The following INF2 variants were observed in gnomAD, a reference collection of about 807,000 sequenced individuals.
INF2 encodes the protein inverted formin 2, also known as inverted formin-2.
A neutral mutation model predicts 123.5 loss-of-function variants in INF2; 43 were observed. That is an observed-to-expected ratio of 0.35 (90% CI 0.27 to 0.45). INF2 has a LOEUF of 0.45. Ranked by LOEUF, INF2 falls within the 20% of genes least tolerant of loss-of-function variation. The pLI is 1.00. For synonymous variants in INF2, 851 were observed against 745.0 expected (o/e 1.14, Z -2.32); for missense variants, 1,453 against 1,682.7 (o/e 0.86, Z 2.39).
At chr14:104,718,746 T>C in intron 22 of INF2, 49 bp from the exon 23 acceptor site, 2 of 1,607,224 alleles carry the variant, frequency 1.2e-6, no homozygotes, top group South Asian at 2.2e-5. Context: ...CCTGATATTG[T>C]ACCCAGCAAA....
chr14:104,717,228 C>CCG (rs1357180376), intron 22 of INF2, among the ~76,000 whole-genome samples: 1 of 146,336 alleles, frequency 6.8e-6, no homozygotes, highest in Non-Finnish European at 1.5e-5. Flanking sequence ...CAGTCCCCCC[C>CCG]GGGCAGGGTG....
chr14:104,697,678 C>T (rs1224273160), intron 1 of INF2, among the ~76,000 whole-genome samples: 2 of 152,244 alleles, frequency 1.3e-5, no homozygotes, highest in Non-Finnish European at 2.9e-5. Context: ...GGCCCAGGCC[C>T]AGAGGGGGAC....
chr14:104,701,823 A>G, intron 2 of INF2, 67 bp downstream of exon 2: 1 of 1,426,500 alleles, frequency 7.0e-7, no homozygotes, highest in Non-Finnish European at 9.2e-7. Flanking sequence ...TTCAGGCCCA[A>G]AAGGCCCCGG....
At position 104,719,721 on chromosome 14, in the gene INF2, C is replaced by G. The variant is rs1595186832; in HGVS notation, c.*928C>G. On this transcript the variant is annotated 3_prime_UTR_variant, in exon 23 of 23. Transcript: ENST00000392634. ...GTGAACACTCACTGTTGAGGGGCCC[C>G]CAGGCCCCGTGTGAACACTCACTGT... 1 of 142,502 alleles carries G rather than the reference C, an allele frequency of 7.0e-6. No homozygotes were observed. Among genetic ancestry groups the G allele is most frequent in the Non-Finnish European group, 1.5e-5 (1 of 68,020 alleles). The allele number at this position is 142,502 out of a possible 1,614,324, so 8.8% of individuals were successfully genotyped here.
chr14:104,713,645 C>G lies in INF2; in HGVS notation c.3040+39C>G, dbSNP rs758355949. On this transcript the variant is annotated intron_variant, in intron 20 of 22. Transcript: ENST00000392634. Reference sequence around the variant, plus strand: ...CCACTGCCTCCTCATGGTCCCCTTGCCACTGTCCCTACCCTGTGCCTCCAG... The same window carrying G: ...CCACTGCCTCCTCATGGTCCCCTTGGCACTGTCCCTACCCTGTGCCTCCAG... 3.1e-6 allele frequency: 5 copies of G among 1,600,900 alleles called. No homozygotes were observed. In the Admixed American group the frequency reaches 8.4e-5, roughly 27 times the overall value.
At chr14:104,705,416 CA>C (rs11289751) in intron 5 of INF2, among the ~76,000 whole-genome samples, 60,567 of 143,478 alleles carry the variant, frequency 0.42, 14,165 homozygotes, top group African/African-American at 0.66. Context: ...GACTCCATCT[CA>C]AAAAAAAAAA....
At chr14:104,709,881 C>A (rs904625309) in intron 12 of INF2, among the ~76,000 whole-genome samples, 176 bp downstream of exon 12, 25 of 152,220 alleles carry the variant, frequency 1.6e-4, no homozygotes, top group African/African-American at 6.0e-4. Context: ...CACCCCCAGT[C>A]CTTCCCCTCA....
chr14:104,700,513 G>A (rs569947360), intron 1 of INF2, among the ~76,000 whole-genome samples: 1 of 152,294 alleles, frequency 6.6e-6, no homozygotes, highest in East Asian at 1.9e-4. Flanking sequence ...TGACCTTCGA[G>A]GCCAGTTCCC....
At chr14:104,688,888 A>T (rs912540304), upstream of INF2, among the ~76,000 whole-genome samples, 10 of 152,198 alleles carry the variant, frequency 6.6e-5, no homozygotes, top group Non-Finnish European at 4.4e-5. Flanking sequence ...GGCACGCCCC[A>T]TGCTGGTCAA....
chr14:104,711,070 C>T lies in INF2; in HGVS notation c.2311-9C>T, dbSNP rs1890025610. The T allele has an allele frequency of 3.1e-6, 5 of 1,603,378 alleles. No individual in the cohort carries two copies. Among genetic ancestry groups the T allele is most frequent in the African/African-American group, 1.3e-5 (1 of 74,472 alleles). ...GGGGCTGGTGAGACTCACTCCCTGCCCCTCCCAGGGCAGCCACACCGGTGA... is the reference window on the plus strand; with the variant it reads ...GGGGCTGGTGAGACTCACTCCCTGCTCCTCCCAGGGCAGCCACACCGGTGA... On this transcript the variant is annotated splice_polypyrimidine_tract_variant and intron_variant, in intron 14 of 22. Transcript: ENST00000392634.
chr14:104,715,324 G>A lies in INF2; in HGVS notation c.3735G>A (p.Leu1245=). 4 of 1,612,902 alleles carry A rather than the reference G, an allele frequency of 2.5e-6. No homozygotes were observed. Among genetic ancestry groups the A allele is most frequent in the Non-Finnish European group, 3.4e-6 (4 of 1,179,236 alleles). The part of the protein sequence containing the change: ...PDSDDNKTKK[L]CVIQ ...CTGATGATAATAAAACAAAGAAACT[G>A]TGTGTGATCCAGTAAGGTATGTACG... Residue 1245 remains leucine (L), a synonymous_variant, in exon 22 of 23, where the codon CTG becomes CTA. Transcript: ENST00000392634.
Position 104,707,527 on chromosome 14 carries a change from C to A in INF2, c.1260C>A (p.Thr420=). The A allele has an allele frequency of 2.3e-6, 2 of 866,694 alleles. No individual in the cohort carries two copies. The highest frequency in any genetic ancestry group is 3.2e-6 in the Non-Finnish European group (2 of 617,730). The allele number at this position is 866,694 out of a possible 1,614,324, so 53.7% of individuals were successfully genotyped here. The change falls in exon 8 of 23, where the codon ACC becomes ACA. Residue 420 remains threonine, a synonymous_variant. Coordinates refer to ENST00000392634, the MANE Select transcript of INF2 (RefSeq NM_022489.4). ...GAGCCCTGGAGCAGCAGGCGTCCACCCCACCCCCACCCCCACCCCCACCCC... is the reference window on the plus strand; with the variant it reads ...GAGCCCTGGAGCAGCAGGCGTCCACACCACCCCCACCCCCACCCCCACCCC... ...QPRALEQQAS[T]PPPPPPPPLL... is the part of the protein sequence containing the mutation.
chr14:104,693,922 G>C (rs527494212), intron 1 of INF2, among the ~76,000 whole-genome samples: 2 of 152,194 alleles, frequency 1.3e-5, no homozygotes, highest in African/African-American at 4.8e-5. Context: ...GCTGGGAGGA[G>C]GACACAGGGT....
In INF2 at chr14:104,714,478, G is replaced by A; in HGVS notation, c.3316G>A (p.Gly1106Arg). 6.2e-7 allele frequency: 1 copy of A among 1,612,610 alleles called. No individual in the cohort carries two copies. Among genetic ancestry groups the A allele is most frequent in the Middle Eastern group, 1.6e-4 (1 of 6,062 alleles). The change falls in exon 21 of 23, where the codon GGA (glycine) becomes AGA (arginine). Residue 1106 changes from glycine (G) to arginine (R), a missense_variant. Around this residue, in one of 8 missense-constraint regions of INF2, gnomAD observed 344 missense variants for 333.1 expected, o/e 1.03. Coordinates refer to ENST00000392634, the MANE Select transcript of INF2 (RefSeq NM_022489.4). ...PLEGAWPVTL[G>R]DAQALKPLKF... ...GGAGGGGGCCTGGCCGGTGACTCTG[G>A]GAGATGCTCAGGCCCTGAAGCCCCT...
intron 1 of INF2, among the ~76,000 whole-genome samples, chr14:104,683,487 G>A (rs1397605240): frequency 6.7e-6 from 1 of 148,436 alleles, no homozygotes; most frequent in East Asian, 2.0e-4. Flanking sequence ...GGGAAAGATG[G>A]GAGGGTAGAG....
chr14:104,695,610 G>GACCCCTCCTCCCAGTT (rs1889155548), intron 1 of INF2, among the ~76,000 whole-genome samples: 1 of 151,964 alleles, frequency 6.6e-6, no homozygotes, highest in Non-Finnish European at 1.5e-5. Flanking sequence ...TCCTCCCAGT[G>GACCCCTCCTCCCAGTT]AGCCGGGGCA....
upstream of INF2, chr14:104,689,217 A>C (rs2140587230): frequency 1.0e-6 from 1 of 985,318 alleles, no homozygotes; most frequent in South Asian, 4.7e-5. Context: ...GCTGGCTGGA[A>C]CGGGAGTCCC....
chr14:104,711,027 C>A lies in INF2; in HGVS notation c.2310+20C>A. 6.2e-7 allele frequency: 1 copy of A among 1,611,546 alleles called. No individual in the cohort carries two copies. Among genetic ancestry groups the A allele is most frequent in the East Asian group, 2.2e-5 (1 of 44,738 alleles). On this transcript the variant is annotated intron_variant, in intron 14 of 22. Coordinates refer to ENST00000392634, the MANE Select transcript of INF2 (RefSeq NM_022489.4). ...AACTACGTAAGTCAGGGGCAGCTCC[C>A]CATCCCACCTGGTGCCAGGGGCTGG...
At chr14:104,708,254 C>T in intron 8 of INF2, 182 bp from the exon 9 acceptor site, 1 of 895,650 alleles carries the variant, frequency 1.1e-6, no homozygotes, top group Non-Finnish European at 1.7e-6. Context: ...GCCATGGTGC[C>T]CTGGGGCCCT....
Sources: allele counts gnomAD v4.1 joint callset (sites outside exome capture counted in the v4.1 genomes callset), GRCh38; gene constraint gnomAD v4.1.1; regional missense constraint gnomAD v4.1.1; transcripts MANE v1.5; gene names NCBI Gene and HGNC (gene_info 2026-07-23, HGNC 2026-07-21).